The following TENM3 variants were observed in gnomAD, a reference collection of about 807,000 sequenced individuals.
TENM3 encodes teneurin-3.
A neutral mutation model predicts 255.1 loss-of-function variants in TENM3; 63 were observed. The observed-to-expected ratio is 0.25, with a 90% CI of 0.20 to 0.30. The LOEUF is 0.30. Among genes scored for constraint, TENM3 ranks in the 10% least tolerant of loss-of-function variants. The pLI, the probability that TENM3 is intolerant of heterozygous loss-of-function variation, is 1.00. For synonymous variants in TENM3, 1,306 were observed against 1,322.3 expected (o/e 0.99, Z 0.27); for missense variants, 2,929 against 3,461.1 (o/e 0.85, Z 3.86).
chr4:181,857,695 T>C, the TENM3 span, among the ~76,000 whole-genome samples: 1 of 150,980 alleles, frequency 6.6e-6, no homozygotes. Context: ...GAGGCAGAGG[T>C]TGCAGTGAGC....
At chr4:181,918,129 A>G in the TENM3 span, among the ~76,000 whole-genome samples, 2 of 152,288 alleles carry the variant, frequency 1.3e-5, no homozygotes, top group South Asian at 4.1e-4. Flanking sequence ...AATGCATTTT[A>G]TTTGTGGGTG....
intron 3 of TENM3, among the ~76,000 whole-genome samples, chr4:182,477,673 T>C (rs907089345): frequency 4.6e-5 from 7 of 152,208 alleles, no homozygotes; most frequent in Non-Finnish European, 8.8e-5. Context: ...GTTTCCAGGA[T>C]TATACTTTTC....
chr4:182,170,375 G>T (rs1752021432), intron 1 of TENM3, among the ~76,000 whole-genome samples: 1 of 152,112 alleles, frequency 6.6e-6, no homozygotes, highest in Admixed American at 6.5e-5. Flanking sequence ...GTGTAATCCA[G>T]TGTATTTGCT....
At chr4:182,155,716 A>C (rs1750659267) in intron 1 of TENM3, among the ~76,000 whole-genome samples, 2 of 152,176 alleles carry the variant, frequency 1.3e-5, no homozygotes, top group South Asian at 4.1e-4. Context: ...ACCTTCAAAC[A>C]TTTTAGGTAA....
chr4:182,421,333 C>T (rs1241364377), intron 3 of TENM3, among the ~76,000 whole-genome samples: 1 of 152,140 alleles, frequency 6.6e-6, no homozygotes, highest in Non-Finnish European at 1.5e-5. Context: ...GATCATCCAA[C>T]GTCACTCAAG....
the TENM3 span, among the ~76,000 whole-genome samples, chr4:181,930,050 A>G: frequency 6.6e-6 from 1 of 152,216 alleles, no homozygotes; most frequent in African/African-American, 2.4e-5. Flanking sequence ...TTATAGCACT[A>G]AATGCCCACA....
chr4:182,574,995 C>T (rs1009460314), intron 3 of TENM3, among the ~76,000 whole-genome samples: 16 of 152,030 alleles, frequency 1.1e-4, no homozygotes, highest in Non-Finnish European at 1.3e-4. Flanking sequence ...GCTTTATAAC[C>T]GATTTTTGCC....
the TENM3 span, among the ~76,000 whole-genome samples, chr4:181,509,998 C>G: frequency 2.0e-5 from 3 of 152,196 alleles, no homozygotes; most frequent in Non-Finnish European, 4.4e-5. Flanking sequence ...TCACTTTCCT[C>G]TTTTCAAGCT....
At chr4:181,835,463 T>A in the TENM3 span, among the ~76,000 whole-genome samples, 1 of 152,142 alleles carries the variant, frequency 6.6e-6, no homozygotes, top group Non-Finnish European at 1.5e-5. Context: ...GTCATTAGTG[T>A]CATAATGATC....
At chr4:181,828,498 G>C in the TENM3 span, among the ~76,000 whole-genome samples, 1 of 152,206 alleles carries the variant, frequency 6.6e-6, no homozygotes, top group African/African-American at 2.4e-5. Context: ...CTGAGATTAA[G>C]GCTCAAAGAG....
intron 1 of TENM3, among the ~76,000 whole-genome samples, chr4:182,244,110 C>A (rs1240026848): frequency 6.6e-6 from 1 of 151,558 alleles, no homozygotes; most frequent in East Asian, 1.9e-4. Context: ...CCCGCCACCA[C>A]GCCCGGCTAA....
At chr4:182,392,493 A>G (rs10026308) in intron 3 of TENM3, among the ~76,000 whole-genome samples, 10,482 of 152,262 alleles carry the variant, frequency 0.069, 1,178 homozygotes, top group African/African-American at 0.23. Flanking sequence ...CCAGCCACCA[A>G]TCCATAACCA....
intron 1 of TENM3, among the ~76,000 whole-genome samples, chr4:182,181,994 T>C (rs1454421625): frequency 6.6e-6 from 1 of 152,130 alleles, no homozygotes; most frequent in Non-Finnish European, 1.5e-5. Flanking sequence ...CATGCCCATA[T>C]GTTCAGGATA....
chr4:182,080,081 G>A, the TENM3 span, among the ~76,000 whole-genome samples: 2 of 152,190 alleles, frequency 1.3e-5, no homozygotes, highest in Non-Finnish European at 2.9e-5. Flanking sequence ...ACTGAAGAAG[G>A]AAAAGGAGCT....
intron 27 of TENM3, among the ~76,000 whole-genome samples, chr4:182,798,749 T>A (rs1010168178): frequency 6.6e-6 from 1 of 152,184 alleles, no homozygotes; most frequent in African/African-American, 2.4e-5. Flanking sequence ...AAGTTCTCTG[T>A]CAAAAGAAGT....
At chr4:181,710,896 A>G in the TENM3 span, among the ~76,000 whole-genome samples, 3 of 152,150 alleles carry the variant, frequency 2.0e-5, no homozygotes, top group African/African-American at 7.2e-5. Context: ...AAAGAAAAAA[A>G]AAAAAAGAGA....
the TENM3 span, among the ~76,000 whole-genome samples, chr4:181,564,033 C>CTTTTTTTTTTTTTTTTTT: frequency 4.0e-5 from 2 of 49,472 alleles, no homozygotes; most frequent in Non-Finnish European, 3.8e-5. Context: ...CTTTTCTTTT[C>CTTTTTTTTTTTTTTTTTT]TTTTTTCTTT....
intron 2 of TENM3, among the ~76,000 whole-genome samples, chr4:182,333,088 G>C (rs1276803358): frequency 1.3e-5 from 2 of 152,112 alleles, no homozygotes; most frequent in African/African-American, 4.8e-5. Flanking sequence ...ATTTCCAAGG[G>C]CCAGATATGT....
the TENM3 span, among the ~76,000 whole-genome samples, chr4:181,638,258 GTAAT>G: frequency 6.6e-6 from 1 of 152,154 alleles, no homozygotes; most frequent in Non-Finnish European, 1.5e-5. Context: ...GGCCAAATAA[GTAAT>G]TAAATCACGA....
Sources: gnomAD v4.1 joint callset for allele counts (sites outside exome capture counted in the v4.1 genomes callset) on GRCh38, gnomAD v4.1.1 for gene constraint, MANE v1.5 for transcripts, NCBI Gene and HGNC (gene_info 2026-07-23, HGNC 2026-07-21) for gene names.